Variants in GRIA4 observed in about 807,000 individuals in gnomAD.
The protein encoded by GRIA4 is glutamate ionotropic receptor AMPA type subunit 4.
GRIA4 carries 34 observed loss-of-function variants against 104.0 expected under a neutral mutation model. The ratio of observed to expected loss-of-function variants is 0.33; its 90% CI spans 0.25 to 0.44. The LOEUF (loss-of-function observed/expected upper bound fraction) is 0.44. Among genes scored for constraint, GRIA4 ranks in the 20% least tolerant of loss-of-function variants. The pLI is 1.00. For synonymous variants in GRIA4, 386 were observed against 381.9 expected, an observed-to-expected ratio of 1.01 and a Z score of -0.13; for missense variants, 750 against 1,096.5, an observed-to-expected ratio of 0.68 and a Z score of 4.46.
At chr11:105,823,581 A>G (rs1003476877) in intron 4 of GRIA4, among the ~76,000 whole-genome samples, 9 of 152,090 alleles carry the variant, frequency 5.9e-5, no homozygotes, top group African/African-American at 2.2e-4. Flanking sequence ...GGTTACTGCT[A>G]TCTTATCTGA....
At chr11:105,915,648 T>C (rs1947376927) in intron 10 of GRIA4, among the ~76,000 whole-genome samples, 1 of 152,210 alleles carries the variant, frequency 6.6e-6, no homozygotes, top group Non-Finnish European at 1.5e-5. Flanking sequence ...GGTTTTTATC[T>C]ACACTGTTTA....
Position 105,628,210 on chromosome 11 carries a change from C to G in GRIA4, c.247+15776C>G, listed in dbSNP as rs182743596. On this transcript the variant is annotated intron_variant, in intron 3 of 16. Transcript: ENST00000282499. ...TCTCCTCAAAATAATGATTTATGAA[C>G]TTTCATGTGCATACCTTTGCCCACC... Among the ~76,000 whole-genome samples the G allele has an allele frequency of 2.3e-3, 351 of 152,228 alleles. 3 individuals are homozygous for G. Among genetic ancestry groups the G allele is most frequent in the African/African-American group, 8.3e-3 (344 of 41,548 alleles).
chr11:105,713,573 T>C (rs1435186376), intron 3 of GRIA4, among the ~76,000 whole-genome samples: 2 of 152,252 alleles, frequency 1.3e-5, no homozygotes, highest in East Asian at 3.9e-4. Context: ...CATTATACAT[T>C]CCAATTTTAC....
intron 14 of GRIA4, chr11:105,966,188 C>G (rs577861242): frequency 1.6e-6 from 1 of 642,196 alleles, no homozygotes; most frequent in Non-Finnish European, 2.8e-6. Context: ...CGCAAACTTA[C>G]GTATGCAGTT....
At chr11:105,789,806 C>G (rs1742980449) in intron 4 of GRIA4, among the ~76,000 whole-genome samples, 1 of 152,152 alleles carries the variant, frequency 6.6e-6, no homozygotes, top group Admixed American at 6.6e-5. Context: ...AAGTGGATGT[C>G]TTTAAATTCA....
chr11:105,756,559 G>C (rs1019440974), intron 4 of GRIA4, among the ~76,000 whole-genome samples: 2 of 151,808 alleles, frequency 1.3e-5, no homozygotes, highest in African/African-American at 4.8e-5. Flanking sequence ...TTCTAAGCTT[G>C]TAGTATCCCA....
chr11:105,856,690 G>C (rs574942008), intron 4 of GRIA4, among the ~76,000 whole-genome samples: 1 of 152,214 alleles, frequency 6.6e-6, no homozygotes, highest in Admixed American at 6.6e-5. Flanking sequence ...CCAACTTACA[G>C]ACTCTACGAC....
intron 3 of GRIA4, among the ~76,000 whole-genome samples, chr11:105,627,282 T>A: frequency 6.7e-6 from 1 of 150,316 alleles, no homozygotes; most frequent in African/African-American, 2.5e-5. Context: ...GAGAATAGAG[T>A]AGGGGTAGGG....
intron 13 of GRIA4, among the ~76,000 whole-genome samples, chr11:105,932,596 T>C (rs1433321529): frequency 2.6e-5 from 4 of 152,164 alleles, no homozygotes; most frequent in Non-Finnish European, 5.9e-5. Context: ...AATGTATTAA[T>C]AGATAGAGCT....
At chr11:105,677,887 T>C (rs1345487901) in intron 3 of GRIA4, among the ~76,000 whole-genome samples, 2 of 151,996 alleles carry the variant, frequency 1.3e-5, no homozygotes, top group Non-Finnish European at 2.9e-5. Flanking sequence ...ACAGAGACTC[T>C]GTAGATTATG....
chr11:105,935,496 A>C (rs1240069092), intron 14 of GRIA4, among the ~76,000 whole-genome samples: 1 of 152,170 alleles, frequency 6.6e-6, no homozygotes, highest in Non-Finnish European at 1.5e-5. Flanking sequence ...CAATATGAAG[A>C]ATATATAATT....
chr11:105,897,650 G>C (rs1046423387), intron 6 of GRIA4, among the ~76,000 whole-genome samples: 4 of 152,080 alleles, frequency 2.6e-5, no homozygotes, highest in Non-Finnish European at 4.4e-5. Context: ...GCTTTTTACT[G>C]TATCTGTTGG....
At chr11:105,812,283 A>G (rs1943205267) in intron 4 of GRIA4, among the ~76,000 whole-genome samples, 1 of 152,154 alleles carries the variant, frequency 6.6e-6, no homozygotes, top group Admixed American at 6.5e-5. Flanking sequence ...TGTAACATAT[A>G]AGGGTTCCTT....
At chr11:105,876,243 C>T (rs1945816203) in intron 5 of GRIA4, among the ~76,000 whole-genome samples, 1 of 152,072 alleles carries the variant, frequency 6.6e-6, no homozygotes, top group African/African-American at 2.4e-5. Context: ...TTTCTTAATC[C>T]TGAGTTCTAG....
chr11:105,945,533 C>T, intron 14 of GRIA4: 3 of 811,432 alleles, frequency 3.7e-6, no homozygotes, highest in Non-Finnish European at 4.5e-6. Context: ...AAAAGAATGG[C>T]TTCCATCCAT....
intron 3 of GRIA4, among the ~76,000 whole-genome samples, chr11:105,632,398 AT>A (rs969177295): frequency 6.6e-6 from 1 of 151,812 alleles, no homozygotes; most frequent in African/African-American, 2.4e-5. Flanking sequence ...GTCTGTCCCC[AT>A]TTTTTTCATT....
chr11:105,864,589 G>A (rs1251039851), intron 5 of GRIA4, among the ~76,000 whole-genome samples: 11 of 152,260 alleles, frequency 7.2e-5, no homozygotes, highest in African/African-American at 2.4e-4. Context: ...AAATTTCTAT[G>A]GCCGGGCATG....
intron 11 of GRIA4, among the ~76,000 whole-genome samples, chr11:105,919,658 C>T (rs1947505966): frequency 6.6e-6 from 1 of 152,114 alleles, no homozygotes; most frequent in Non-Finnish European, 1.5e-5. Context: ...ATATCAAGAT[C>T]AATGTCTTCA....
At chr11:105,979,335 T>C (rs1859155759) in intron 16 of GRIA4, among the ~76,000 whole-genome samples, 1 of 152,228 alleles carries the variant, frequency 6.6e-6, no homozygotes, top group Admixed American at 6.5e-5. Context: ...TAGTTAAATA[T>C]TATAATTTTA....
Sources: gnomAD v4.1 joint callset for allele counts (sites outside exome capture counted in the v4.1 genomes callset) on GRCh38, gnomAD v4.1.1 for gene constraint, MANE v1.5 for transcripts, NCBI Gene and HGNC (gene_info 2026-07-23, HGNC 2026-07-21) for gene names.